Variants in FAM111B observed in about 807,000 individuals in gnomAD.
FAM111B encodes FAM111 trypsin like peptidase B, also known as serine protease FAM111B.
FAM111B carries 1 observed loss-of-function variant against 2.8 expected under a neutral mutation model. The ratio of observed to expected loss-of-function variants is 0.36; its 90% confidence interval spans 0.13 to 1.70. FAM111B has a LOEUF of 1.70. Among genes scored for constraint, FAM111B ranks in the 40% most tolerant of loss-of-function variants. The probability of loss-of-function intolerance (pLI) is 0.35; values close to 1 mark genes in which losing one functional copy is unlikely to be tolerated. For missense variants in FAM111B, 882 were observed against 878.9 expected, an observed-to-expected ratio of 1.00 and a Z score of -0.04; for synonymous variants, 297 against 295.6, an observed-to-expected ratio of 1.00 and a Z score of -0.05.
At chr11:59,113,562 G>C (rs141726174) in intron 3 of FAM111B, among the ~76,000 whole-genome samples, 1 of 152,170 alleles carries the variant, frequency 6.6e-6, no homozygotes, top group African/African-American at 2.4e-5. Context: ...GGTCTCTGGA[G>C]TATGTCTTGC....
chr11:59,123,274 A>G (rs747571393), intron 3 of FAM111B, among the ~76,000 whole-genome samples: 2 of 152,218 alleles, frequency 1.3e-5, no homozygotes, highest in Non-Finnish European at 2.9e-5. Flanking sequence ...GAATAAATGT[A>G]CATTCTAAAA....
At position 59,124,656 on chromosome 11, in the gene FAM111B, C is replaced by T; in HGVS notation, c.559C>T (p.His187Tyr). 1.2e-6 allele frequency: 2 copies of T among 1,613,808 alleles called. No individual in the cohort carries two copies. The highest frequency in any genetic ancestry group is 1.7e-6 in the Non-Finnish European group (2 of 1,179,814). Residue 187 changes from histidine to tyrosine, a missense_variant, in exon 4 of 4, where the codon CAT (histidine) becomes TAT (tyrosine). By Grantham distance (83) the His-to-Tyr change is moderately conservative (BLOSUM62 2). Transcript: ENST00000343597. Reference sequence around the variant, plus strand: ...TCCAAACATGGAATGCATTCTTTTTCATGTTGTTGCTATAGGAAGGACAAG... The same window carrying T: ...TCCAAACATGGAATGCATTCTTTTTTATGTTGTTGCTATAGGAAGGACAAG... ...ENPNMECILF[H>Y]VVAIGRTRKK...
Position 59,124,581 on chromosome 11 carries a change from C to G in FAM111B, c.484C>G (p.Gln162Glu). 6.2e-7 allele frequency: 1 copy of G among 1,613,410 alleles called. No homozygotes were observed. Among genetic ancestry groups the G allele is most frequent in the Non-Finnish European group, 8.5e-7 (1 of 1,179,736 alleles). The change falls in exon 4 of 4, where the codon CAA becomes GAA. Residue 162 changes from glutamine (Q) to glutamate (E), a missense_variant. Physicochemically the swap from Gln to Glu is conservative, Grantham distance 29. Coordinates refer to ENST00000343597, the MANE Select transcript of FAM111B (RefSeq NM_198947.4). Reference sequence around the variant, plus strand: ...TTCTCATTTTAAAATTACATTTGGTCAAAGAAAGAGTAGCAAAGAAGATGG... The same window carrying G: ...TTCTCATTTTAAAATTACATTTGGTGAAAGAAAGAGTAGCAAAGAAGATGG... ...SDSHFKITFG[Q>E]RKSSKEDGHI...
intron 3 of FAM111B, among the ~76,000 whole-genome samples, chr11:59,120,538 G>T (rs1859905010): frequency 6.6e-6 from 1 of 152,208 alleles, no homozygotes; most frequent in South Asian, 2.1e-4. Context: ...ATTGTCTCAT[G>T]ATTCTGGAGG....
intron 3 of FAM111B, among the ~76,000 whole-genome samples, chr11:59,117,836 C>T (rs934358163): frequency 2.0e-5 from 3 of 152,168 alleles, no homozygotes; most frequent in African/African-American, 7.2e-5. Flanking sequence ...TGTCCTGGTT[C>T]CTGGCATTTT....
At chr11:59,118,278 T>C (rs1394288636) in intron 3 of FAM111B, among the ~76,000 whole-genome samples, 2 of 152,152 alleles carry the variant, frequency 1.3e-5, no homozygotes, top group Non-Finnish European at 2.9e-5. Context: ...TGCCTCCAGG[T>C]CCTGTTCTTC....
intron 3 of FAM111B, among the ~76,000 whole-genome samples, chr11:59,122,987 ACT>A (rs1341089577): frequency 6.6e-6 from 1 of 151,828 alleles, no homozygotes; most frequent in Non-Finnish European, 1.5e-5. Flanking sequence ...AGTTATGTTG[ACT>A]CTTGTCATAT....
intron 3 of FAM111B, among the ~76,000 whole-genome samples, chr11:59,113,332 G>A (rs554397830): frequency 3.3e-5 from 5 of 152,246 alleles, no homozygotes; most frequent in African/African-American, 9.6e-5. Context: ...TTGCTGTGGG[G>A]TACCTGGGAG....
Position 59,124,413 on chromosome 11 carries a change from A to T in FAM111B, c.316A>T (p.Ser106Cys). Residue 106 changes from serine (S) to cysteine (C), a missense_variant, in exon 4 of 4, where the codon AGT becomes TGT. By Grantham distance (112) the Ser-to-Cys change is moderately radical. Transcript: ENST00000343597. ...VFTAYGKPSE[S>C]IYSALSANDY... ...TACAGCATATGGTAAACCCAGCGAG[A>T]GTATCTACTCAGCCCTGAGTGCTAA... 4 of 1,613,720 alleles carry T rather than the reference A, an allele frequency of 2.5e-6. No homozygotes were observed. The highest frequency in any genetic ancestry group is 1.6e-4 in the Middle Eastern group (1 of 6,062).
At chr11:59,119,391 G>A (rs935520971) in intron 3 of FAM111B, among the ~76,000 whole-genome samples, 8 of 152,114 alleles carry the variant, frequency 5.3e-5, no homozygotes, top group Non-Finnish European at 1.0e-4. Context: ...TTGTTTTTCC[G>A]TTTCTCAGGT....
At position 59,125,834 on chromosome 11, in the gene FAM111B, T is replaced by C. The variant is rs1300627031; in HGVS notation, c.1737T>C (p.His579=). 2 of 1,613,920 alleles carry C rather than the reference T, an allele frequency of 1.2e-6. No homozygotes were observed. The highest frequency in any genetic ancestry group is 8.5e-7 in the Non-Finnish European group (1 of 1,179,844). The part of the protein sequence containing the change: ...PSTGLIYLIG[H]PEGQIKKIDG... ...CTGGTTTGATTTATTTAATTGGTCATCCTGAAGGCCAGATCAAGAAAATAG... is the reference window on the plus strand; with the variant it reads ...CTGGTTTGATTTATTTAATTGGTCACCCTGAAGGCCAGATCAAGAAAATAG... The change falls in exon 4 of 4, where the codon CAT becomes CAC. Residue 579 remains histidine, a synonymous_variant. Coordinates refer to ENST00000343597, the MANE Select transcript of FAM111B (RefSeq NM_198947.4).
chr11:59,122,634 A>C (rs1024447915), intron 3 of FAM111B, among the ~76,000 whole-genome samples: 8 of 152,172 alleles, frequency 5.3e-5, no homozygotes, highest in African/African-American at 1.9e-4. Context: ...GGCACAATTA[A>C]ATTTTATGAC....
intron 2 of FAM111B, among the ~76,000 whole-genome samples, chr11:59,109,160 C>G (rs1421413877): frequency 6.6e-6 from 1 of 152,122 alleles, no homozygotes; most frequent in African/African-American, 2.4e-5. Context: ...CTTTTGGGTA[C>G]TTCTTTTCCT....
intron 3 of FAM111B, among the ~76,000 whole-genome samples, chr11:59,114,421 G>C (rs1339541847): frequency 6.6e-6 from 1 of 152,158 alleles, no homozygotes; most frequent in African/African-American, 2.4e-5. Flanking sequence ...GCAGTGGCCT[G>C]AGACTGGGAG....
At chr11:59,118,575 C>G (rs1472147614) in intron 3 of FAM111B, among the ~76,000 whole-genome samples, 3 of 152,196 alleles carry the variant, frequency 2.0e-5, no homozygotes, top group Non-Finnish European at 1.5e-5. Flanking sequence ...ATTGCACTGG[C>G]TAAAACTTCC....
At chr11:59,115,007 A>G (rs1259176362) in intron 3 of FAM111B, among the ~76,000 whole-genome samples, 1 of 152,174 alleles carries the variant, frequency 6.6e-6, no homozygotes, top group Non-Finnish European at 1.5e-5. Context: ...CAGCAAGTAC[A>G]AAGGTTCAGA....
intron 3 of FAM111B, among the ~76,000 whole-genome samples, chr11:59,120,414 G>A (rs77130308): frequency 2.6e-5 from 4 of 152,272 alleles, no homozygotes; most frequent in African/African-American, 9.6e-5. Context: ...GCTTTGATGG[G>A]TGATTAGATA....
intron 3 of FAM111B, among the ~76,000 whole-genome samples, chr11:59,113,269 C>G (rs1156484347): frequency 6.6e-6 from 1 of 152,154 alleles, no homozygotes; most frequent in Non-Finnish European, 1.5e-5. Context: ...GTTGAGTCTT[C>G]CAATCTTGAA....
At chr11:59,112,690 T>A (rs928222469) in intron 3 of FAM111B, among the ~76,000 whole-genome samples, 1 of 152,270 alleles carries the variant, frequency 6.6e-6, no homozygotes, top group African/African-American at 2.4e-5. Context: ...ATTTATTCAT[T>A]CTCATAGGTA....
Sources: allele counts gnomAD v4.1 joint callset (sites outside exome capture counted in the v4.1 genomes callset), GRCh38; gene constraint gnomAD v4.1.1; transcripts MANE v1.5; gene names NCBI Gene and HGNC (gene_info 2026-07-23, HGNC 2026-07-21).